Variants in SEMA3C observed in about 807,000 individuals in gnomAD.
SEMA3C encodes semaphorin-3C.
SEMA3C carries 47 observed loss-of-function variants against 89.4 expected under a neutral mutation model. The observed-to-expected ratio is 0.53, with a 90% CI of 0.42 to 0.67. The LOEUF (loss-of-function observed/expected upper bound fraction) is 0.67. Ranked by LOEUF, SEMA3C falls within the 30% of genes least tolerant of loss-of-function variation. The probability of loss-of-function intolerance (pLI) is 0.00; values close to 1 mark genes in which losing one functional copy is unlikely to be tolerated. For synonymous variants in SEMA3C, 310 were observed against 320.2 expected (o/e 0.97, Z 0.34); for missense variants, 839 against 929.1 (o/e 0.90, Z 1.26).
intron 7 of SEMA3C, 44 bp downstream of exon 7, chr7:80,805,595 T>C (rs1294422799): frequency 1.9e-6 from 3 of 1,552,992 alleles, no homozygotes; most frequent in South Asian, 1.2e-5. Context: ...AATAAGTTAG[T>C]TTAACACGAT....
chr7:80,915,054 AG>A (rs1231502687), intron 2 of SEMA3C, among the ~76,000 whole-genome samples: 1 of 152,220 alleles, frequency 6.6e-6, no homozygotes, highest in Non-Finnish European at 1.5e-5. Context: ...AAGCAGGTAG[AG>A]ACATCTAATC....
At chr7:80,899,072 G>A (rs781149727) in intron 2 of SEMA3C, among the ~76,000 whole-genome samples, 5 of 152,106 alleles carry the variant, frequency 3.3e-5, no homozygotes, top group South Asian at 2.1e-4. Flanking sequence ...ACAGAGTCTC[G>A]CTCTGTTGGC....
At chr7:80,788,328 G>A (rs1467112887) in intron 12 of SEMA3C, among the ~76,000 whole-genome samples, 1 of 152,172 alleles carries the variant, frequency 6.6e-6, no homozygotes, top group Non-Finnish European at 1.5e-5. Context: ...TTCCTATAAG[G>A]TAGTTAGGGA....
In SEMA3C at chr7:80,744,097, A is replaced by C. The variant is rs1467905498; in HGVS notation, c.*797T>G. 6.7e-6 allele frequency: 1 copy of C among 148,876 alleles called. No homozygotes were observed. The highest frequency in any genetic ancestry group is 1.5e-5 in the Non-Finnish European group (1 of 67,282). 9.2% of individuals were successfully genotyped at this position (148,876 alleles called of 1,614,324 possible). ...AGGGAATAAGAGAACAAACAGTAAT[A>C]ACTGAGTAGTGCCAGATTATATTCT... On this transcript the variant is annotated 3_prime_UTR_variant, in exon 18 of 18. Coordinates refer to ENST00000265361, the MANE Select transcript of SEMA3C (RefSeq NM_006379.5).
At chr7:80,838,846 C>G (rs1166334504) in intron 2 of SEMA3C, among the ~76,000 whole-genome samples, 1 of 152,206 alleles carries the variant, frequency 6.6e-6, no homozygotes, top group East Asian at 1.9e-4. Flanking sequence ...ATCCAATTAC[C>G]TCCCACCAGT....
chr7:80,756,086 A>G (rs980282317), intron 15 of SEMA3C, among the ~76,000 whole-genome samples: 1 of 152,150 alleles, frequency 6.6e-6, no homozygotes, highest in Non-Finnish European at 1.5e-5. Context: ...CCAGATTCAT[A>G]TTTCTAACTG....
intron 5 of SEMA3C, among the ~76,000 whole-genome samples, chr7:80,813,179 T>C (rs897383263): frequency 2.2e-4 from 33 of 152,056 alleles, no homozygotes; most frequent in Non-Finnish European, 4.9e-4. Flanking sequence ...TCCTTGAATG[T>C]ATGACTTTTT....
At chr7:80,758,072 A>G (rs1788103596) in intron 15 of SEMA3C, among the ~76,000 whole-genome samples, 1 of 152,166 alleles carries the variant, frequency 6.6e-6, no homozygotes, top group Admixed American at 6.6e-5. Context: ...CTAGGGGAGT[A>G]GGTGTTACAG....
chr7:80,799,967 C>A (rs1336476316), intron 10 of SEMA3C, among the ~76,000 whole-genome samples: 1 of 151,440 alleles, frequency 6.6e-6, no homozygotes, highest in African/African-American at 2.4e-5. Flanking sequence ...CTGCCTTGAA[C>A]ATGGTGTAAC....
intron 17 of SEMA3C, among the ~76,000 whole-genome samples, chr7:80,747,436 T>A (rs974506243): frequency 3.9e-5 from 6 of 152,156 alleles, no homozygotes; most frequent in African/African-American, 1.4e-4. Context: ...TTTTAGTTGA[T>A]CCTTGTTTAA....
chr7:80,905,351 A>AGG (rs1791989147), intron 2 of SEMA3C, among the ~76,000 whole-genome samples: 1 of 142,718 alleles, frequency 7.0e-6, no homozygotes, highest in Non-Finnish European at 1.5e-5. Flanking sequence ...AGAGAGAGAG[A>AGG]GAGACACCAA....
intron 2 of SEMA3C, among the ~76,000 whole-genome samples, chr7:80,852,281 C>T (rs1231174991): frequency 6.6e-6 from 1 of 152,176 alleles, no homozygotes; most frequent in East Asian, 1.9e-4. Flanking sequence ...CAACCCTGAC[C>T]TTATTCATGT....
intron 12 of SEMA3C, among the ~76,000 whole-genome samples, chr7:80,781,185 C>T (rs917193655): frequency 2.0e-5 from 3 of 152,118 alleles, no homozygotes; most frequent in Non-Finnish European, 4.4e-5. Flanking sequence ...CTGGGCACAC[C>T]CAAGCAATTC....
intron 2 of SEMA3C, among the ~76,000 whole-genome samples, chr7:80,880,602 C>T (rs936437581): frequency 2.0e-5 from 3 of 152,160 alleles, no homozygotes; most frequent in Non-Finnish European, 2.9e-5. Context: ...TTTTACTTCC[C>T]TCCATGTATA....
chr7:80,876,424 C>G (rs1039301837), intron 2 of SEMA3C, among the ~76,000 whole-genome samples: 1 of 152,156 alleles, frequency 6.6e-6, no homozygotes, highest in Non-Finnish European at 1.5e-5. Flanking sequence ...AACAGAGACT[C>G]TGGCACCAGA....
At position 80,910,807 on chromosome 7, in the gene SEMA3C, G is replaced by A. The variant is rs1267434764; in HGVS notation, c.103+5872C>T. ...TGAAAGAAAAAATTGAGTGTGTCTC[G>A]GTGCCATTTTTTTAATGCAATGAAT... On this transcript the variant is annotated intron_variant, in intron 2 of 17. Coordinates refer to ENST00000265361, the MANE Select transcript of SEMA3C (RefSeq NM_006379.5). Among the ~76,000 whole-genome samples the A allele has an allele frequency of 4.8e-5, 7 of 145,678 alleles. No homozygotes were observed. In the East Asian group the frequency reaches 1.2e-3, roughly 26 times the overall value.
At chr7:80,822,793 C>T (rs549613179) in intron 4 of SEMA3C, among the ~76,000 whole-genome samples, 1 of 152,244 alleles carries the variant, frequency 6.6e-6, no homozygotes, top group South Asian at 2.1e-4. Context: ...GAAAATAATA[C>T]ACACATCCAA....
In SEMA3C at chr7:80,744,828, CT is replaced by C. The variant is rs1056199117; in HGVS notation, c.*65del. On this transcript the variant is annotated 3_prime_UTR_variant, in exon 18 of 18. Transcript: ENST00000265361. ...CCTTGGTAAAGCACAAGTTTCTTTGCTCAAAATTTGATCATTGAAGACAGAG... is the reference window on the plus strand; with the variant it reads ...CCTTGGTAAAGCACAAGTTTCTTTGCCAAAATTTGATCATTGAAGACAGAG... 1.9e-5 allele frequency: 30 copies of C among 1,568,468 alleles called. No individual in the cohort carries two copies. In the Admixed American group the frequency reaches 3.7e-4, roughly 19 times the overall value.
At chr7:80,791,833 T>C (rs1324693277) in intron 11 of SEMA3C, among the ~76,000 whole-genome samples, 1 of 152,182 alleles carries the variant, frequency 6.6e-6, no homozygotes, top group Admixed American at 6.5e-5. Flanking sequence ...TTTGGGCCAA[T>C]GTTGTCAGGC....
Sources: allele counts gnomAD v4.1 joint callset (sites outside exome capture counted in the v4.1 genomes callset), GRCh38; gene constraint gnomAD v4.1.1; transcripts MANE v1.5; gene names NCBI Gene and HGNC (gene_info 2026-07-23, HGNC 2026-07-21).